The following SNTG2 variants were observed in gnomAD, a reference collection of about 807,000 sequenced individuals.
SNTG2 encodes the protein gamma-2-syntrophin.
Under a neutral mutation model 70.9 loss-of-function variants are expected in SNTG2, and 74 were observed. The ratio of observed to expected loss-of-function variants is 1.04; its 90% CI spans 0.86 to 1.27. SNTG2 has a LOEUF of 1.27. SNTG2 is among the 50% of genes most tolerant of loss of function. The pLI is 0.00. For synonymous variants in SNTG2, 278 were observed against 273.8 expected (o/e 1.02, Z -0.15); for missense variants, 717 against 690.7 (o/e 1.04, Z -0.43).
intron 1 of SNTG2, among the ~76,000 whole-genome samples, chr2:970,963 C>T (rs1049984337): frequency 2.0e-5 from 3 of 152,126 alleles, no homozygotes; most frequent in African/African-American, 7.2e-5. Context: ...CATCTCACAC[C>T]AGTTAGAATG....
chr2:1,320,193 G>A (rs1480477651), intron 16 of SNTG2, among the ~76,000 whole-genome samples: 3 of 152,200 alleles, frequency 2.0e-5, no homozygotes, highest in Non-Finnish European at 1.5e-5. Context: ...GAGTTCTGGG[G>A]CTTGGGGAGC....
chr2:1,224,337 C>T (rs1675612253), intron 9 of SNTG2, among the ~76,000 whole-genome samples: 1 of 152,204 alleles, frequency 6.6e-6, no homozygotes, highest in Non-Finnish European at 1.5e-5. Flanking sequence ...TCACACTCTT[C>T]AAAAACTGGA....
chr2:1,131,094 T>G (rs1667985215), intron 4 of SNTG2, among the ~76,000 whole-genome samples: 1 of 152,186 alleles, frequency 6.6e-6, no homozygotes, highest in South Asian at 2.1e-4. Context: ...TAAAGTGTCC[T>G]GCTAATGAGA....
chr2:1,282,634 C>G (rs922242141), intron 14 of SNTG2, among the ~76,000 whole-genome samples: 7 of 152,102 alleles, frequency 4.6e-5, no homozygotes, highest in African/African-American at 1.4e-4. Context: ...CCGCCTCCCC[C>G]GCACAGCGCG....
At chr2:1,326,323 T>C (rs1254043445) in intron 16 of SNTG2, among the ~76,000 whole-genome samples, 2 of 152,134 alleles carry the variant, frequency 1.3e-5, no homozygotes, top group East Asian at 3.9e-4. Flanking sequence ...CTTCCAGAGG[T>C]CTTAATGTTC....
chr2:1,148,215 G>C (rs28653466), intron 6 of SNTG2, among the ~76,000 whole-genome samples: 7 of 152,200 alleles, frequency 4.6e-5, no homozygotes, highest in African/African-American at 1.7e-4. Context: ...GAAAGTGTTG[G>C]AAAACTGTGA....
intron 4 of SNTG2, among the ~76,000 whole-genome samples, chr2:1,129,586 T>C (rs564775890): frequency 9.8e-5 from 15 of 152,358 alleles, no homozygotes; most frequent in African/African-American, 3.6e-4. Flanking sequence ...TTAATTTAAC[T>C]TTGTATGTAT....
chr2:983,943 G>A (rs1024344826), intron 1 of SNTG2, among the ~76,000 whole-genome samples: 1 of 152,198 alleles, frequency 6.6e-6, no homozygotes, highest in African/African-American at 2.4e-5. Flanking sequence ...TGGCCTCTGA[G>A]ATGTCTGTGT....
chr2:1,341,949 C>T (rs1660120373), intron 16 of SNTG2, among the ~76,000 whole-genome samples: 1 of 151,866 alleles, frequency 6.6e-6, no homozygotes, highest in Admixed American at 6.6e-5. Context: ...GGGCTCAAGC[C>T]ATCCTCCTAC....
chr2:1,030,998 G>C (rs1265826249), intron 1 of SNTG2, among the ~76,000 whole-genome samples: 1 of 152,166 alleles, frequency 6.6e-6, no homozygotes, highest in Non-Finnish European at 1.5e-5. Context: ...TAGTTAGACA[G>C]GTTCTTAAGT....
chr2:1,230,176 T>A (rs550791963), intron 9 of SNTG2, among the ~76,000 whole-genome samples: 1 of 152,350 alleles, frequency 6.6e-6, no homozygotes, highest in Admixed American at 6.5e-5. Flanking sequence ...GGATACAGCA[T>A]TGTTTTAATG....
chr2:1,288,525 T>C (rs1418838300), intron 14 of SNTG2, among the ~76,000 whole-genome samples: 1 of 152,122 alleles, frequency 6.6e-6, no homozygotes, highest in African/African-American at 2.4e-5. Context: ...TACATGGACA[T>C]GTGCACACAT....
intron 1 of SNTG2, among the ~76,000 whole-genome samples, chr2:1,016,710 C>T (rs1318169447): frequency 6.6e-6 from 1 of 152,164 alleles, no homozygotes; most frequent in Non-Finnish European, 1.5e-5. Flanking sequence ...TGGAGCTATG[C>T]GTATTCACGG....
intron 4 of SNTG2, among the ~76,000 whole-genome samples, chr2:1,137,144 G>A (rs1014461513): frequency 3.3e-5 from 5 of 152,172 alleles, no homozygotes; most frequent in Non-Finnish European, 7.3e-5. Flanking sequence ...CTTTCCTTAT[G>A]AAGTGGCCGC....
chr2:1,326,551 A>G (rs1681768086), intron 16 of SNTG2, among the ~76,000 whole-genome samples: 1 of 152,204 alleles, frequency 6.6e-6, no homozygotes, highest in Admixed American at 6.5e-5. Flanking sequence ...TTTCGAAACA[A>G]TTAACAGACT....
At chr2:1,299,279 C>T (rs150533315) in intron 14 of SNTG2, among the ~76,000 whole-genome samples, 3 of 152,284 alleles carry the variant, frequency 2.0e-5, no homozygotes, top group East Asian at 1.9e-4. Flanking sequence ...AAGGAATGTC[C>T]GCAAACCAAG....
chr2:1,249,799 A>C (rs1167920824), intron 12 of SNTG2, among the ~76,000 whole-genome samples: 1 of 152,220 alleles, frequency 6.6e-6, no homozygotes, highest in African/African-American at 2.4e-5. Context: ...GTGGGTAGAG[A>C]GTCCATTTCT....
intron 8 of SNTG2, among the ~76,000 whole-genome samples, chr2:1,198,779 C>T (rs1409458201): frequency 6.6e-6 from 1 of 151,738 alleles, no homozygotes; most frequent in African/African-American, 2.4e-5. Flanking sequence ...AATTGGAAAA[C>T]AGAGACAATA....
At chr2:1,358,145 G>T (rs1660952012) in intron 16 of SNTG2, among the ~76,000 whole-genome samples, 1 of 151,944 alleles carries the variant, frequency 6.6e-6, no homozygotes, top group Non-Finnish European at 1.5e-5. Context: ...TCCAATAGCG[G>T]AACCAATCCT....
Sources: allele counts gnomAD v4.1 joint callset (sites outside exome capture counted in the v4.1 genomes callset), GRCh38; gene constraint gnomAD v4.1.1; transcripts MANE v1.5; gene names NCBI Gene and HGNC (gene_info 2026-07-23, HGNC 2026-07-21).